VPS13D: variants seen among roughly 807,000 people sequenced by gnomAD.
VPS13D encodes the protein intermembrane lipid transfer protein VPS13D.
VPS13D carries 187 observed loss-of-function variants against 461.9 expected under a neutral mutation model. The observed-to-expected ratio is 0.40, with a 90% CI of 0.36 to 0.46. The LOEUF (loss-of-function observed/expected upper bound fraction) is 0.46, where lower values mean the gene tolerates loss of function less well. VPS13D is among the 20% of genes least tolerant of loss of function. The probability of loss-of-function intolerance (pLI) is 0.60; values close to 1 mark genes in which losing one functional copy is unlikely to be tolerated. For synonymous variants in VPS13D, 1,951 were observed against 1,986.3 expected, an observed-to-expected ratio of 0.98 and a Z score of 0.47; for missense variants, 4,711 against 5,364.9, an observed-to-expected ratio of 0.88 and a Z score of 3.81.
In VPS13D at chr1:12,253,936, C is replaced by T. The variant is rs1305581919; in HGVS notation, c.669+110C>T. ...TGCCTCTCTGATTCCAGTTCCCACCCACTGTTCCTCTAAAGCCATTCACTC... is the reference window on the plus strand; with the variant it reads ...TGCCTCTCTGATTCCAGTTCCCACCTACTGTTCCTCTAAAGCCATTCACTC... On this transcript the variant is annotated intron_variant, in intron 7 of 69. Coordinates refer to ENST00000620676, the MANE Select transcript of VPS13D (RefSeq NM_015378.4). 13 of 789,106 alleles carry T rather than the reference C, an allele frequency of 1.6e-5. No individual in the cohort carries two copies. The East Asian group carries it at 3.3e-4, about 20-fold the overall frequency. The allele number at this position is 789,106 out of a possible 1,614,324, so 48.9% of individuals were successfully genotyped here.
chr1:12,246,399 A>G (rs1298508824), intron 5 of VPS13D, among the ~76,000 whole-genome samples: 5 of 152,216 alleles, frequency 3.3e-5, no homozygotes, highest in South Asian at 2.1e-4. Flanking sequence ...GAGTGCCCAC[A>G]TGATACTCAA....
rs1557765200 is a variant in VPS13D, at chr1:12,414,279, G to A, written c.12031-808G>A. Reference sequence around the variant, plus strand: ...AGCCAGGACAACAGAGTGAGAACCTGTTATCTAGTCTGCCATAGACATGTC... The same window carrying A: ...AGCCAGGACAACAGAGTGAGAACCTATTATCTAGTCTGCCATAGACATGTC... On this transcript the variant is annotated intron_variant, in intron 63 of 69. Transcript: ENST00000620676. 2.6e-5 allele frequency among the ~76,000 whole-genome samples: 4 copies of A among 151,958 alleles called. 1 individual carries two copies. In the South Asian group the frequency reaches 8.3e-4, roughly 32 times the overall value.
chr1:12,486,381 T>C (rs1645797272), intron 67 of VPS13D, among the ~76,000 whole-genome samples: 1 of 152,160 alleles, frequency 6.6e-6, no homozygotes, highest in Non-Finnish European at 1.5e-5. Context: ...GTAAAAATCA[T>C]TTGAAGAGAG....
At chr1:12,238,347 A>G (rs1262085802) in intron 2 of VPS13D, among the ~76,000 whole-genome samples, 4 of 150,602 alleles carry the variant, frequency 2.7e-5, no homozygotes, top group Non-Finnish European at 5.9e-5. Context: ...CTGAGGCAGG[A>G]AGATCCCTTG....
At chr1:12,364,493 A>G (rs1317037381) in intron 52 of VPS13D, among the ~76,000 whole-genome samples, 2 of 152,232 alleles carry the variant, frequency 1.3e-5, no homozygotes, top group African/African-American at 4.8e-5. Flanking sequence ...TATTTTGGGT[A>G]TAGATCCAGG....
rs1557765728 is a variant in VPS13D, at chr1:12,415,133, C to T, written c.12077C>T (p.Ala4026Val). 2 of 1,614,040 alleles carry T rather than the reference C, an allele frequency of 1.2e-6. No homozygotes were observed. The highest frequency in any genetic ancestry group is 4.5e-5 in the East Asian group (2 of 44,866). ...TTTCCTTTGATACGGTTTGAAGACG[C>T]TGTGATTAATCTAGATCCATTCACT... is the stretch of plus-strand genomic sequence containing the variant. The part of the protein sequence containing the change: ...LGFPLIRFED[A>V]VINLDPFTRV... The change falls in exon 64 of 70, where the codon GCT becomes GTT. Residue 4026 changes from alanine (A) to valine (V), a missense_variant. By Grantham distance (64) the Ala-to-Val change is moderately conservative. Transcript: ENST00000620676.
At chr1:12,308,964 A>C (rs544587161) in intron 27 of VPS13D, among the ~76,000 whole-genome samples, 10 of 152,038 alleles carry the variant, frequency 6.6e-5, no homozygotes, top group Non-Finnish European at 5.9e-5. Context: ...TATCTGAATA[A>C]CTGTCTATGA....
intron 37 of VPS13D, 133 bp downstream of exon 37, chr1:12,330,051 T>G: frequency 1.5e-6 from 1 of 682,006 alleles, no homozygotes; most frequent in Non-Finnish European, 2.4e-6. Context: ...GAAAAGCAAG[T>G]AGACTGCATA....
intron 37 of VPS13D, among the ~76,000 whole-genome samples, chr1:12,330,815 G>A (rs1311570061): frequency 3.3e-5 from 5 of 152,064 alleles, no homozygotes; most frequent in Non-Finnish European, 5.9e-5. Context: ...TGATCCACCT[G>A]CCTCAGCCTC....
chr1:12,248,533 T>C (rs1422806731), intron 5 of VPS13D, among the ~76,000 whole-genome samples: 3 of 152,000 alleles, frequency 2.0e-5, no homozygotes. Context: ...TTAGTAGAAG[T>C]GAGGTCTTGC....
intron 67 of VPS13D, among the ~76,000 whole-genome samples, chr1:12,465,735 T>C (rs1645473567): frequency 6.6e-6 from 1 of 152,212 alleles, no homozygotes; most frequent in South Asian, 2.1e-4. Flanking sequence ...AAAGGCCCCT[T>C]TTGTTAACAA....
At chr1:12,273,306 C>G (rs1465967808) in intron 18 of VPS13D, among the ~76,000 whole-genome samples, 171 bp downstream of exon 18, 3 of 152,088 alleles carry the variant, frequency 2.0e-5, no homozygotes, top group African/African-American at 7.2e-5. Context: ...GAAAACATAT[C>G]TTGGTAGATC....
intron 63 of VPS13D, among the ~76,000 whole-genome samples, chr1:12,408,105 T>G (rs1644679015): frequency 6.6e-6 from 1 of 152,178 alleles, no homozygotes; most frequent in South Asian, 2.1e-4. Context: ...CTCACGTACT[T>G]TATCATCACT....
In VPS13D at chr1:12,335,747, G is replaced by A. The variant is rs1643434957; in HGVS notation, c.8471G>A (p.Cys2824Tyr). ...STKESWMADY[C>Y]KDDKDIESAK... ...AAGGAATCGTGGATGGCAGATTACT[G>A]TAAAGATGACAAGGACATAGAGTCA... is the stretch of plus-strand genomic sequence containing the variant. Residue 2824 changes from cysteine to tyrosine, a missense_variant, in exon 39 of 70, where the codon TGT becomes TAT. By Grantham distance (194) the Cys-to-Tyr change is radical. This residue lies in a region of VPS13D where 4,411 missense variants were observed against 4,937.8 expected (regional missense o/e 0.89). Coordinates refer to ENST00000620676, the MANE Select transcript of VPS13D (RefSeq NM_015378.4). The A allele has an allele frequency of 1.2e-6, 2 of 1,614,132 alleles. No individual in the cohort carries two copies. The highest frequency in any genetic ancestry group is 2.2e-5 in the East Asian group (1 of 44,882).
chr1:12,373,777 G>T lies in VPS13D; in HGVS notation c.10836G>T (p.Val3612=). Residue 3612 remains valine, a synonymous_variant, in exon 55 of 70, where the codon GTG becomes GTT. Coordinates refer to ENST00000620676, the MANE Select transcript of VPS13D (RefSeq NM_015378.4). ...TGCAGGAGGGAACAGGCAGGCCTGT[G>T]GCTTCCAACAAGGCCATTACCTGTG... ...SGLQEGTGRP[V]ASNKAITCAE... 3 of 1,560,996 alleles carry T rather than the reference G, an allele frequency of 1.9e-6. 1 individual carries two copies. The highest frequency in any genetic ancestry group is 2.6e-6 in the Non-Finnish European group (3 of 1,157,710).
intron 1 of VPS13D, among the ~76,000 whole-genome samples, chr1:12,231,520 A>G (rs1309467688): frequency 6.6e-6 from 1 of 152,186 alleles, no homozygotes. Flanking sequence ...GTTTCCCTTG[A>G]TTTGGAGATA....
intron 10 of VPS13D, among the ~76,000 whole-genome samples, chr1:12,259,452 C>T (rs576995310): frequency 4.6e-5 from 7 of 151,834 alleles, no homozygotes; most frequent in East Asian, 1.9e-4. Flanking sequence ...AGTAGCTGCA[C>T]GTCACCATGC....
rs932838539 is a variant in VPS13D, at chr1:12,505,989, G to A, written c.12795-864G>A. On this transcript the variant is annotated intron_variant, in intron 68 of 69. Coordinates refer to ENST00000620676, the MANE Select transcript of VPS13D (RefSeq NM_015378.4). The surrounding 1 kb of genome is among the most constrained non-coding windows in gnomAD (Gnocchi z 4.2). Reference sequence around the variant, plus strand: ...GTGGAGCCTGGCTCTGAGCAATTCAGTTTGCCAGCAGGAGCTCGACTGCCA... The same window carrying A: ...GTGGAGCCTGGCTCTGAGCAATTCAATTTGCCAGCAGGAGCTCGACTGCCA... 6.6e-6 allele frequency among the ~76,000 whole-genome samples: 1 copy of A among 152,216 alleles called. No individual in the cohort carries two copies. The highest frequency in any genetic ancestry group is 2.4e-5 in the African/African-American group (1 of 41,448).
chr1:12,444,475 T>G (rs1645169183), intron 65 of VPS13D, among the ~76,000 whole-genome samples: 1 of 152,174 alleles, frequency 6.6e-6, no homozygotes, highest in South Asian at 2.1e-4. Flanking sequence ...GCCCCCTTTT[T>G]TTTCTTTCTT....
Sources: gnomAD v4.1 joint callset for allele counts (sites outside exome capture counted in the v4.1 genomes callset) on GRCh38, gnomAD v4.1.1 for gene constraint, gnomAD v4.1.1 regional missense constraint, Gnocchi (gnomAD v3.1) non-coding constraint, MANE v1.5 for transcripts, NCBI Gene and HGNC (gene_info 2026-07-23, HGNC 2026-07-21) for gene names.